LNX2: variants seen among roughly 807,000 people sequenced by gnomAD.
LNX2 encodes the protein ligand of Numb protein X 2.
LNX2 carries 35 observed loss-of-function variants against 66.2 expected under a neutral mutation model. The observed-to-expected ratio is 0.53, with a 90% CI of 0.40 to 0.70. LNX2 has a LOEUF of 0.70. Ranked by LOEUF, LNX2 falls within the 30% of genes least tolerant of loss-of-function variation. The pLI is 0.00. For missense variants in LNX2, 791 were observed against 850.8 expected (o/e 0.93, Z 0.87); for synonymous variants, 337 against 315.6 (o/e 1.07, Z -0.72).
Position 27,583,255 on chromosome 13 carries a change from T to TGCGCGTGCGCGCGCGC in LNX2, c.-100-1453_-100-1452insGCGCGCGCGCACGCGC. 3.4e-5 allele frequency among the ~76,000 whole-genome samples: 2 copies of TGCGCGTGCGCGCGCGC among 58,530 alleles called. 1 individual carries two copies. The highest frequency in any genetic ancestry group is 6.4e-5 in the Non-Finnish European group (2 of 31,258). 38.4% of individuals were successfully genotyped at this position (58,530 alleles called of 152,430 possible). ...GTGTGTGTGTGTGTGTGTGTGTGTGTGCGCGCGTCCTCTCCAACATACTTA... is the reference window on the plus strand; with the variant it reads ...GTGTGTGTGTGTGTGTGTGTGTGTGTGCGCGTGCGCGCGCGCGCGCGCGTCCTCTCCAACATACTTA... On this transcript the variant is annotated intron_variant, in intron 1 of 9. Transcript: ENST00000316334.
At chr13:27,574,105 G>C (rs1469801256) in intron 2 of LNX2, among the ~76,000 whole-genome samples, 2 of 152,106 alleles carry the variant, frequency 1.3e-5, no homozygotes, top group Non-Finnish European at 2.9e-5. Flanking sequence ...TATCAATAAA[G>C]AAACATTAAG....
intron 6 of LNX2, among the ~76,000 whole-genome samples, chr13:27,557,724 A>C (rs1566116092): frequency 6.6e-6 from 1 of 152,052 alleles, no homozygotes; most frequent in Non-Finnish European, 1.5e-5. Flanking sequence ...CCAGATGTGA[A>C]ATCTATACTC....
chr13:27,619,604 T>C (rs991565804), intron 1 of LNX2, among the ~76,000 whole-genome samples: 1 of 152,166 alleles, frequency 6.6e-6, no homozygotes, highest in African/African-American at 2.4e-5. Flanking sequence ...AAGCATAATA[T>C]ACACAGCAAA....
chr13:27,600,259 A>C (rs931507345), intron 1 of LNX2, among the ~76,000 whole-genome samples: 1 of 152,196 alleles, frequency 6.6e-6, no homozygotes, highest in Non-Finnish European at 1.5e-5. Context: ...CATGTCAAAA[A>C]CAGTGTACAT....
At chr13:27,583,882 A>T (rs1955453535) in intron 1 of LNX2, among the ~76,000 whole-genome samples, 1 of 152,198 alleles carries the variant, frequency 6.6e-6, no homozygotes, top group Admixed American at 6.5e-5. Flanking sequence ...AAGAACTGGC[A>T]TCTAACTCTG....
At chr13:27,578,904 T>C (rs559888321) in intron 2 of LNX2, among the ~76,000 whole-genome samples, 6 of 152,216 alleles carry the variant, frequency 3.9e-5, no homozygotes, top group Non-Finnish European at 7.3e-5. Flanking sequence ...AATCAACAAA[T>C]GCTTGTTGTT....
At position 27,569,023 on chromosome 13, in the gene LNX2, A is replaced by C; in HGVS notation, c.655+6T>G. 2 of 1,611,356 alleles carry C rather than the reference A, an allele frequency of 1.2e-6. No homozygotes were observed. Among genetic ancestry groups the C allele is most frequent in the Non-Finnish European group, 1.7e-6 (2 of 1,178,972 alleles). ...TGAAATACACAAGGAGTTGCACCAC[A>C]CATACTGTCAGCTCCAGCGCTCTCC... On this transcript the variant is annotated splice_donor_region_variant and intron_variant, in intron 3 of 9. Transcript: ENST00000316334.
chr13:27,615,718 C>CAT (rs1257676898), intron 1 of LNX2, among the ~76,000 whole-genome samples: 1 of 152,058 alleles, frequency 6.6e-6, no homozygotes, highest in African/African-American at 2.4e-5. Flanking sequence ...GGATAAAGAC[C>CAT]ATATATATAT....
chr13:27,594,433 T>C (rs145441597), intron 1 of LNX2, among the ~76,000 whole-genome samples: 3 of 152,190 alleles, frequency 2.0e-5, no homozygotes, highest in East Asian at 3.8e-4. Context: ...TCAATTTTCA[T>C]GTAATTGAAT....
At position 27,567,669 on chromosome 13, in the gene LNX2, T is replaced by A; in HGVS notation, c.826A>T (p.Arg276Ter). ...YRDGVIARDG[R>*]LLAGDQILQV... ...AGAATCTGGTCTCCAGCAAGAAGTCTCCCGTCTCTGGCAATGACCCCATCC... is the reference window on the plus strand; with the variant it reads ...AGAATCTGGTCTCCAGCAAGAAGTCACCCGTCTCTGGCAATGACCCCATCC... Residue 276 changes from arginine (R) to a stop codon, truncating the protein, a stop_gained, in exon 4 of 10, where the codon AGA becomes TGA. Transcript: ENST00000316334. LOFTEE classifies it high-confidence loss of function. The A allele has an allele frequency of 6.2e-7, 1 of 1,614,040 alleles. No homozygotes were observed. The highest frequency in any genetic ancestry group is 8.5e-7 in the Non-Finnish European group (1 of 1,179,956).
chr13:27,560,079 C>G, intron 5 of LNX2, 94 bp from the exon 6 acceptor site: 1 of 1,182,136 alleles, frequency 8.5e-7, no homozygotes, highest in East Asian at 2.6e-5. Context: ...ACTTCTTAAT[C>G]ACTGTACCAG....
chr13:27,569,047 C>A lies in LNX2; in HGVS notation c.637G>T (p.Glu213Ter), dbSNP rs1429873921. The change falls in exon 3 of 10, where the codon GAG (glutamate) becomes TAG (stop). Residue 213 changes from glutamate to a stop codon, truncating the protein, a stop_gained. Coordinates refer to ENST00000316334, the MANE Select transcript of LNX2 (RefSeq NM_153371.4). LOFTEE classifies it high-confidence loss of function. ...EPGLDNPAFEESAGADTTQQP... is the reference protein window; with the variant it reads ...EPGLDNPAFE ...CACATACTGTCAGCTCCAGCGCTCT[C>A]CTCAAAGGCAGGGTTGTCAAGGCCA... is the stretch of plus-strand genomic sequence containing the variant. 1.9e-6 allele frequency: 3 copies of A among 1,613,458 alleles called. No homozygotes were observed. Among genetic ancestry groups the A allele is most frequent in the Non-Finnish European group, 2.5e-6 (3 of 1,179,826 alleles).
chr13:27,595,946 A>G (rs1256958711), intron 1 of LNX2, among the ~76,000 whole-genome samples: 2 of 152,196 alleles, frequency 1.3e-5, no homozygotes, highest in African/African-American at 4.8e-5. Context: ...CTTATTAGGA[A>G]CCATATGCTA....
chr13:27,604,021 G>A (rs942411372), intron 1 of LNX2, among the ~76,000 whole-genome samples: 3 of 151,020 alleles, frequency 2.0e-5, no homozygotes, highest in Non-Finnish European at 4.4e-5. Context: ...TTGGGAGGCT[G>A]AGGCCAGTGG....
intron 1 of LNX2, among the ~76,000 whole-genome samples, chr13:27,611,593 C>T (rs1245885275): frequency 6.6e-6 from 1 of 152,068 alleles, no homozygotes; most frequent in Non-Finnish European, 1.5e-5. Context: ...GTGGTTGCCA[C>T]AATAAAAAGC....
At position 27,548,189 on chromosome 13, in the gene LNX2, C is replaced by T. The variant is rs1489409214; in HGVS notation, c.*146G>A. 7 of 647,844 alleles carry T rather than the reference C, an allele frequency of 1.1e-5. No homozygotes were observed. The African/African-American group carries it at 1.3e-4, about 12-fold the overall frequency. The allele number at this position is 647,844 out of a possible 1,614,324, so 40.1% of individuals were successfully genotyped here. ...TAACTTAGGAAACCATTTAAATAAA[C>T]ATAAACGGACAATCTTAGTGGGTTT... On this transcript the variant is annotated 3_prime_UTR_variant, in exon 10 of 10. Coordinates refer to ENST00000316334, the MANE Select transcript of LNX2 (RefSeq NM_153371.4).
At chr13:27,578,530 T>C (rs1344878163) in intron 2 of LNX2, among the ~76,000 whole-genome samples, 1 of 152,194 alleles carries the variant, frequency 6.6e-6, no homozygotes, top group East Asian at 1.9e-4. Context: ...TGTCCCCTTT[T>C]CCTTGGATAT....
intron 1 of LNX2, among the ~76,000 whole-genome samples, chr13:27,617,416 T>C (rs938757793): frequency 1.3e-5 from 2 of 152,300 alleles, no homozygotes; most frequent in African/African-American, 4.8e-5. Flanking sequence ...ACTCTAGCCC[T>C]GTAAGCAGGA....
intron 1 of LNX2, among the ~76,000 whole-genome samples, chr13:27,603,572 T>C (rs972317019): frequency 5.9e-5 from 9 of 152,188 alleles, no homozygotes; most frequent in African/African-American, 2.2e-4. Context: ...AACAGACATC[T>C]ACTGATGACA....
Sources: gnomAD v4.1 joint callset for allele counts (sites outside exome capture counted in the v4.1 genomes callset) on GRCh38, gnomAD v4.1.1 for gene constraint, MANE v1.5 for transcripts, NCBI Gene and HGNC (gene_info 2026-07-23, HGNC 2026-07-21) for gene names.